The following B3GALT1 variants were observed in gnomAD, a reference collection of about 807,000 sequenced individuals.
B3GALT1 encodes the protein beta-1,3-galactosyltransferase 1, also known as UDP-Gal:betaGlcNAc beta 1,3-galactosyltransferase, polypeptide 1.
Under a neutral mutation model 23.2 loss-of-function variants are expected in B3GALT1, and 10 were observed. The ratio of observed to expected loss-of-function variants is 0.43; its 90% CI spans 0.27 to 0.73. The LOEUF is 0.73. Ranked by LOEUF, B3GALT1 falls within the 30% of genes least tolerant of loss-of-function variation. The pLI is 0.21. For synonymous variants in B3GALT1, 156 were observed against 141.5 expected (o/e 1.10, Z -0.73); for missense variants, 299 against 405.4 (o/e 0.74, Z 2.25).
chr2:167,558,328 C>G (rs1017737601), intron 2 of B3GALT1: 21 of 152,334 alleles, frequency 1.4e-4, no homozygotes, highest in African/African-American at 4.8e-4. Flanking sequence ...ACAGAGGAGC[C>G]AAGATGGCCG....
chr2:167,609,450 G>A (rs1244510049), intron 2 of B3GALT1, among the ~76,000 whole-genome samples: 2 of 152,080 alleles, frequency 1.3e-5, no homozygotes, highest in African/African-American at 4.8e-5. Context: ...TGGGACGAGT[G>A]GCTCAATAGT....
intron 3 of B3GALT1, among the ~76,000 whole-genome samples, chr2:167,753,942 G>T (rs1298259666): frequency 6.6e-6 from 1 of 152,158 alleles, no homozygotes; most frequent in African/African-American, 2.4e-5. Context: ...GCATACCTCA[G>T]AACAAAGACA....
Position 167,534,166 on chromosome 2 carries a change from CA to C in B3GALT1, c.-410+43890del, listed in dbSNP as rs570077112. ...ATTTCTGAAGATACTTACCTTTCAT[CA>C]TTTTTGGACCATTTTTAGCCCTTAA... On this transcript the variant is annotated intron_variant, in intron 2 of 4. Transcript: ENST00000392690. Among the ~76,000 whole-genome samples the C allele has an allele frequency of 5.8e-4, 89 of 152,218 alleles. 1 individual carries two copies. The highest frequency in any genetic ancestry group is 4.8e-3 in the Admixed American group (74 of 15,282).
chr2:167,679,127 T>TG (rs1483441874), intron 3 of B3GALT1, among the ~76,000 whole-genome samples: 3 of 151,910 alleles, frequency 2.0e-5, no homozygotes, highest in East Asian at 1.9e-4. Flanking sequence ...TTTTTGTTTT[T>TG]TTTTTTGAGA....
chr2:167,294,364 A>G (rs1696313555), intron 1 of B3GALT1, among the ~76,000 whole-genome samples: 1 of 152,174 alleles, frequency 6.6e-6, no homozygotes, highest in South Asian at 2.1e-4. Context: ...CTGCCTCCAG[A>G]GCGTTTTTGT....
intron 1 of B3GALT1, among the ~76,000 whole-genome samples, chr2:167,483,998 A>G (rs1574098270): frequency 6.6e-6 from 1 of 152,214 alleles, no homozygotes; most frequent in African/African-American, 2.4e-5. Context: ...ACTGACCTCT[A>G]GCCACATATA....
In B3GALT1 at chr2:167,869,654, C is replaced by T. The variant is rs777225229; in HGVS notation, c.615C>T (p.Gly205=). The change falls in exon 5 of 5, where the codon GGC becomes GGT. Residue 205 remains glycine (G), a synonymous_variant. Transcript: ENST00000392690. The surrounding 1 kb of genome is among the most constrained non-coding windows in gnomAD (Gnocchi z 6.4). ...STKPRRRYFT[G]YVINGGPIRD... Reference sequence around the variant, plus strand: ...AGCCACGAAGAAGGTATTTTACTGGCTATGTCATTAATGGAGGACCGATTC... The same window carrying T: ...AGCCACGAAGAAGGTATTTTACTGGTTATGTCATTAATGGAGGACCGATTC... The T allele has an allele frequency of 6.2e-7, 1 of 1,614,150 alleles. No homozygotes were observed. The highest frequency in any genetic ancestry group is 1.7e-5 in the Admixed American group (1 of 60,022).
At chr2:167,640,552 T>C (rs1685634497) in intron 2 of B3GALT1, among the ~76,000 whole-genome samples, 1 of 72,654 alleles carries the variant, frequency 1.4e-5, no homozygotes, top group African/African-American at 3.9e-5. Context: ...TTTGATTTTT[T>C]TTTCCCCCTC....
intron 2 of B3GALT1, among the ~76,000 whole-genome samples, chr2:167,524,187 T>C (rs1009028407): frequency 1.8e-4 from 28 of 152,208 alleles, no homozygotes; most frequent in Admixed American, 9.2e-4. Flanking sequence ...ATTTTAAGTA[T>C]GAATTTCTTT....
At chr2:167,548,573 G>A (rs574485438) in intron 2 of B3GALT1, among the ~76,000 whole-genome samples, 39 of 152,162 alleles carry the variant, frequency 2.6e-4, no homozygotes, top group Non-Finnish European at 2.2e-4. Context: ...AGCAGCCATC[G>A]TGGACAATGA....
At chr2:167,569,915 C>T (rs575339287) in intron 2 of B3GALT1, among the ~76,000 whole-genome samples, 1 of 151,926 alleles carries the variant, frequency 6.6e-6, no homozygotes, top group South Asian at 2.1e-4. Context: ...TGTATTATGT[C>T]TATTAATATG....
chr2:167,663,122 A>G (rs890878541), intron 3 of B3GALT1, among the ~76,000 whole-genome samples: 1 of 78,988 alleles, frequency 1.3e-5, no homozygotes, highest in Non-Finnish European at 2.3e-5. Context: ...CCCCCACCCC[A>G]CAACAGTCCC....
intron 2 of B3GALT1, among the ~76,000 whole-genome samples, chr2:167,567,132 C>T (rs1256473319): frequency 6.6e-6 from 1 of 152,110 alleles, no homozygotes; most frequent in Non-Finnish European, 1.5e-5. Flanking sequence ...GTATATGAAT[C>T]TTCTCTCCTT....
rs536289475 is a variant in B3GALT1, at chr2:167,870,088, T to G, written c.*68T>G. The G allele has an allele frequency of 6.9e-7, 1 of 1,456,096 alleles. No homozygotes were observed. Among genetic ancestry groups the G allele is most frequent in the East Asian group, 2.3e-5 (1 of 43,330 alleles). 90.2% of individuals were successfully genotyped at this position (1,456,096 alleles called of 1,614,324 possible). A position where few individuals can be genotyped will look rare whatever the true frequency, so the allele number is the denominator to read the frequency against. On this transcript the variant is annotated 3_prime_UTR_variant, in exon 5 of 5. Coordinates refer to ENST00000392690, the MANE Select transcript of B3GALT1 (RefSeq NM_020981.4). Reference sequence around the variant, plus strand: ...AATGGGACCTAAGGTGTTGGTATTTTCCAGGTGTCGGGGGAAATGAACTGG... The same window carrying G: ...AATGGGACCTAAGGTGTTGGTATTTGCCAGGTGTCGGGGGAAATGAACTGG...
intron 1 of B3GALT1, among the ~76,000 whole-genome samples, chr2:167,322,486 C>T (rs985803536): frequency 2.6e-5 from 4 of 151,814 alleles, no homozygotes; most frequent in African/African-American, 4.8e-5. Flanking sequence ...TTTTTCTGAT[C>T]GACTTCTGAA....
chr2:167,421,396 A>G (rs1698544771), intron 1 of B3GALT1, among the ~76,000 whole-genome samples: 1 of 152,192 alleles, frequency 6.6e-6, no homozygotes. Flanking sequence ...GACAGGAAAC[A>G]CAAAACAGTC....
At chr2:167,334,932 T>C (rs1697035632) in intron 1 of B3GALT1, among the ~76,000 whole-genome samples, 1 of 152,222 alleles carries the variant, frequency 6.6e-6, no homozygotes, top group East Asian at 1.9e-4. Flanking sequence ...ATTTTATTTC[T>C]TTAGTATTTG....
chr2:167,604,403 C>A (rs930790690), intron 2 of B3GALT1, among the ~76,000 whole-genome samples: 1 of 152,180 alleles, frequency 6.6e-6, no homozygotes, highest in Non-Finnish European at 1.5e-5. Context: ...ACTGAGTATG[C>A]AGTTGTGTAT....
intron 3 of B3GALT1, among the ~76,000 whole-genome samples, chr2:167,724,700 A>G (rs1192491284): frequency 6.6e-6 from 1 of 152,228 alleles, no homozygotes; most frequent in Non-Finnish European, 1.5e-5. Context: ...AGAGAATTAT[A>G]CTTTACAAAT....
Sources: allele counts gnomAD v4.1 joint callset (sites outside exome capture counted in the v4.1 genomes callset), GRCh38; gene constraint gnomAD v4.1.1; non-coding constraint Gnocchi (gnomAD v3.1); transcripts MANE v1.5; gene names NCBI Gene and HGNC (gene_info 2026-07-23, HGNC 2026-07-21).